Variants in ARG1 observed in about 807,000 individuals in gnomAD.
The protein encoded by ARG1 is arginase-1.
Under a neutral mutation model 33.0 loss-of-function variants are expected in ARG1, and 20 were observed. The ratio of observed to expected loss-of-function variants is 0.61; its 90% confidence interval spans 0.43 to 0.88. The LOEUF (loss-of-function observed/expected upper bound fraction) is 0.88, where lower values mean the gene tolerates loss of function less well. Among genes scored for constraint, ARG1 ranks in the 40% least tolerant of loss-of-function variants. The pLI, the probability that ARG1 is intolerant of heterozygous loss-of-function variation, is 0.00. For missense variants in ARG1, 374 were observed against 384.7 expected (o/e 0.97, Z 0.23); for synonymous variants, 146 against 140.6 (o/e 1.04, Z -0.27).
chr6:131,583,429 C>A lies in ARG1; in HGVS notation c.740C>A (p.Pro247Gln), dbSNP rs766077763. The A allele has an allele frequency of 6.2e-7, 1 of 1,614,122 alleles. No homozygotes were observed. Among genetic ancestry groups the A allele is most frequent in the Non-Finnish European group, 8.5e-7 (1 of 1,179,996 alleles). The change falls in exon 7 of 8, where the codon CCA (proline) becomes CAA (glutamine). Residue 247 changes from proline (P) to glutamine (Q), a missense_variant. By Grantham distance (76) the Pro-to-Gln change is moderately conservative. Transcript: ENST00000368087. ...DPSFTPATGTPVVGGLTYREG... is the reference protein window; with the variant it reads ...DPSFTPATGTQVVGGLTYREG... ...TCTTTCACACCAGCTACTGGCACAC[C>A]AGTCGTGGGAGGTCTGACATACAGA...
rs1562361751 is a variant in ARG1 at position 131,583,743 on chromosome 6, GCTACT to G, written c.807_811del (p.Leu270ArgfsTer40). The G allele has an allele frequency of 6.8e-6, 11 of 1,613,640 alleles. No homozygotes were observed. The highest frequency in any genetic ancestry group is 9.3e-6 in the Non-Finnish European group (11 of 1,179,608). On this transcript the variant is annotated frameshift_variant and splice_region_variant, in exon 8 of 8. Coordinates refer to ENST00000368087, the MANE Select transcript of ARG1 (RefSeq NM_000045.4). LOFTEE classifies it high-confidence loss of function. The stretch of plus-strand genomic sequence containing the variant: ...CATTATTACAATTTGTTGTTGTAGG[GCTACT>G]CTCAGGATTAGATATAATGGAAGTG...
intron 6 of ARG1, 67 bp from the exon 7 acceptor site, chr6:131,583,288 C>T: frequency 6.2e-7 from 1 of 1,609,924 alleles, no homozygotes; most frequent in Non-Finnish European, 8.5e-7. Flanking sequence ...AACAAGTTAA[C>T]AGATTATTAT....
chr6:131,582,066 T>C (rs988370460), intron 4 of ARG1, among the ~76,000 whole-genome samples: 2 of 152,248 alleles, frequency 1.3e-5, no homozygotes, highest in Non-Finnish European at 2.9e-5. Context: ...ATTTGGTCCT[T>C]ATGATGATAC....
chr6:131,576,839 A>T (rs1354849482), intron 2 of ARG1, 104 bp downstream of exon 2: 1 of 1,029,718 alleles, frequency 9.7e-7, no homozygotes, highest in Non-Finnish European at 1.5e-6. Context: ...TTACATCAGA[A>T]TTGCGGTACT....
intron 2 of ARG1, among the ~76,000 whole-genome samples, chr6:131,577,673 G>C (rs1284176270): frequency 6.6e-6 from 1 of 151,918 alleles, no homozygotes; most frequent in Non-Finnish European, 1.5e-5. Context: ...AAGCCAAGGT[G>C]GGTGGACTGT....
intron 3 of ARG1, among the ~76,000 whole-genome samples, chr6:131,580,562 C>G (rs1446570427): frequency 6.6e-6 from 1 of 152,186 alleles, no homozygotes; most frequent in African/African-American, 2.4e-5. Flanking sequence ...TAACTTTTAA[C>G]TTCTGTGCAA....
Position 131,574,137 on chromosome 6 carries a change from C to T in ARG1, c.57+798C>T, listed in dbSNP as rs1407706954. On this transcript the variant is annotated intron_variant, in intron 1 of 7. Transcript: ENST00000368087. Reference sequence around the variant, plus strand: ...ACAGAACACCTTAGACTTCAACACGCATCTGTGCTTAAAGAGGATAAAAAA... The same window carrying T: ...ACAGAACACCTTAGACTTCAACACGTATCTGTGCTTAAAGAGGATAAAAAA... The T allele has an allele frequency of 1.5e-5, 13 of 872,404 alleles. No individual in the cohort carries two copies. The East Asian group carries it at 1.8e-4, about 12-fold the overall frequency. The allele number at this position is 872,404 out of a possible 1,614,324, so 54.0% of individuals were successfully genotyped here.
In ARG1 at chr6:131,581,235, A is replaced by G. The variant is rs1773905930; in HGVS notation, c.322A>G (p.Ile108Val). Residue 108 changes from isoleucine (I) to valine (V), a missense_variant, in exon 4 of 8, where the codon ATC becomes GTC. Coordinates refer to ENST00000368087, the MANE Select transcript of ARG1 (RefSeq NM_000045.4). ...CCCCAAAAGTTTGGCAATTGGAAGC[A>G]TCTCTGGCCATGCCAGGGTCCACCC... Reference protein sequence around the residue: ...GGDHSLAIGSISGHARVHPDL... With the variant: ...GGDHSLAIGSVSGHARVHPDL... 1 of 1,613,782 alleles carries G rather than the reference A, an allele frequency of 6.2e-7. No individual in the cohort carries two copies. Among genetic ancestry groups the G allele is most frequent in the Non-Finnish European group, 8.5e-7 (1 of 1,179,812 alleles).
chr6:131,575,470 A>G (rs1355112557), intron 1 of ARG1, among the ~76,000 whole-genome samples: 2 of 152,184 alleles, frequency 1.3e-5, no homozygotes, highest in African/African-American at 4.8e-5. Flanking sequence ...AAAAGGGAGT[A>G]AAGAAGCAAA....
Position 131,583,949 on chromosome 6 carries a change from A to AATT in ARG1, c.*43_*45dup. Reference sequence around the variant, plus strand: ...ATATAAATCTCATAGTTAATGGCATAATTAGAAAGCTAATCATTTTCTTAA... The same window carrying AATT: ...ATATAAATCTCATAGTTAATGGCATAATTATTAGAAAGCTAATCATTTTCTTAA... On this transcript the variant is annotated 3_prime_UTR_variant, in exon 8 of 8. Transcript: ENST00000368087. The AATT allele has an allele frequency of 6.3e-7, 1 of 1,597,660 alleles. No homozygotes were observed. Among genetic ancestry groups the AATT allele is most frequent in the East Asian group, 2.2e-5 (1 of 44,726 alleles).
At chr6:131,582,796 G>C in intron 5 of ARG1, 81 bp downstream of exon 5, 2 of 1,210,120 alleles carry the variant, frequency 1.7e-6, no homozygotes, top group South Asian at 1.2e-5. Context: ...AACTCTATGA[G>C]AGAAAATTAA....
chr6:131,575,890 T>C (rs2114516167), intron 1 of ARG1, among the ~76,000 whole-genome samples: 1 of 124,538 alleles, frequency 8.0e-6, no homozygotes, highest in Non-Finnish European at 2.0e-5. Context: ...GGGTTGGTCT[T>C]TGTTTGTAGT....
chr6:131,576,015 T>C (rs939975178), intron 1 of ARG1, among the ~76,000 whole-genome samples: 7 of 152,212 alleles, frequency 4.6e-5, no homozygotes, highest in African/African-American at 1.7e-4. Context: ...TTTCGATGCT[T>C]TTGCCCAATC....
chr6:131,576,000 C>T (rs1773593195), intron 1 of ARG1, among the ~76,000 whole-genome samples: 1 of 152,230 alleles, frequency 6.6e-6, no homozygotes, highest in Admixed American at 6.5e-5. Context: ...TTTCATGTCA[C>T]ACTCTTTCGA....
chr6:131,581,111 C>G lies in ARG1; in HGVS notation c.306-108C>G, dbSNP rs533715421. 3.7e-6 allele frequency: 4 copies of G among 1,080,844 alleles called. No homozygotes were observed. In the South Asian group the frequency reaches 5.1e-5, roughly 14 times the overall value. The allele number at this position is 1,080,844 out of a possible 1,614,324, so 67.0% of individuals were successfully genotyped here. A position where few individuals can be genotyped will look rare whatever the true frequency, so the allele number is the denominator to read the frequency against. On this transcript the variant is annotated intron_variant, in intron 3 of 7. Transcript: ENST00000368087. ...CCAATTCAGAACCTATCAGAAATAT[C>G]AGACACTGTGACTCAAAGGAAAACC... is the stretch of plus-strand genomic sequence containing the variant.
chr6:131,580,272 G>A (rs979538495), intron 3 of ARG1, among the ~76,000 whole-genome samples: 2 of 152,180 alleles, frequency 1.3e-5, no homozygotes, highest in Admixed American at 1.3e-4. Flanking sequence ...TTGGGAAACT[G>A]AGGCTCGCTT....
Position 131,583,985 on chromosome 6 carries a change from A to G in ARG1, c.*77A>G. On this transcript the variant is annotated 3_prime_UTR_variant, in exon 8 of 8. Transcript: ENST00000368087. ...TAATCATTTTCTTAAGCATAGAGTT[A>G]TCCTTCTAAAGACTTGTTCTTTCAG... The G allele has an allele frequency of 6.6e-7, 1 of 1,515,860 alleles. No individual in the cohort carries two copies. The highest frequency in any genetic ancestry group is 1.2e-5 in the South Asian group (1 of 86,812). The allele number at this position is 1,515,860 out of a possible 1,614,324, so 93.9% of individuals were successfully genotyped here. A position where few individuals can be genotyped will look rare whatever the true frequency, so the allele number is the denominator to read the frequency against.
chr6:131,583,977 A>C lies in ARG1; in HGVS notation c.*69A>C. Reference sequence around the variant, plus strand: ...TAGAAAGCTAATCATTTTCTTAAGCATAGAGTTATCCTTCTAAAGACTTGT... The same window carrying C: ...TAGAAAGCTAATCATTTTCTTAAGCCTAGAGTTATCCTTCTAAAGACTTGT... On this transcript the variant is annotated 3_prime_UTR_variant, in exon 8 of 8. Transcript: ENST00000368087. The C allele has an allele frequency of 1.3e-6, 2 of 1,551,108 alleles. No homozygotes were observed. The highest frequency in any genetic ancestry group is 2.3e-5 in the South Asian group (2 of 88,502).
Position 131,583,761 on chromosome 6 carries a change from T to C in ARG1, c.822T>C (p.Asp274=), listed in dbSNP as rs1353394805. 35 of 1,613,884 alleles carry C rather than the reference T, an allele frequency of 2.2e-5. No homozygotes were observed. The highest frequency in any genetic ancestry group is 6.6e-5 in the South Asian group (6 of 91,082). The change falls in exon 8 of 8, where the codon GAT becomes GAC. Residue 274 remains aspartate, a synonymous_variant. Coordinates refer to ENST00000368087, the MANE Select transcript of ARG1 (RefSeq NM_000045.4). ...TTGTAGGGCTACTCTCAGGATTAGA[T>C]ATAATGGAAGTGAACCCATCCCTGG... ...IYKTGLLSGL[D]IMEVNPSLGK... is the part of the protein sequence containing the mutation.
Sources: gnomAD v4.1 joint callset for allele counts (sites outside exome capture counted in the v4.1 genomes callset) on GRCh38, gnomAD v4.1.1 for gene constraint, MANE v1.5 for transcripts, NCBI Gene and HGNC (gene_info 2026-07-23, HGNC 2026-07-21) for gene names.